Variants in GABRG3 observed in about 807,000 individuals in gnomAD.
GABRG3 encodes gamma-aminobutyric acid receptor subunit gamma-3.
GABRG3 carries 25 observed loss-of-function variants against 48.8 expected under a neutral mutation model. The ratio of observed to expected loss-of-function variants is 0.51; its 90% CI spans 0.37 to 0.72. The LOEUF (loss-of-function observed/expected upper bound fraction) is 0.72, where lower values mean the gene tolerates loss of function less well. GABRG3 is among the 30% of genes least tolerant of loss of function. The pLI, the probability that GABRG3 is intolerant of heterozygous loss-of-function variation, is 0.00. For synonymous variants in GABRG3, 227 were observed against 217.6 expected (o/e 1.04, Z -0.38); for missense variants, 394 against 577.9 (o/e 0.68, Z 3.26).
At chr15:27,093,377 A>G (rs1897223578) in intron 3 of GABRG3, among the ~76,000 whole-genome samples, 1 of 152,138 alleles carries the variant, frequency 6.6e-6, no homozygotes, top group Admixed American at 6.5e-5. Flanking sequence ...GAGTTCTGAG[A>G]AGAGCGTATG....
At chr15:27,528,041 C>T (rs1413757907) in intron 9 of GABRG3, 49 bp downstream of exon 9, 8 of 1,331,992 alleles carry the variant, frequency 6.0e-6, no homozygotes, top group Non-Finnish European at 8.5e-6. Flanking sequence ...TTTCACTAAA[C>T]TAAGATTGCA....
chr15:26,971,641 G>A, intron 1 of GABRG3, 53 bp downstream of exon 1: 1 of 1,506,288 alleles, frequency 6.6e-7, no homozygotes, highest in Non-Finnish European at 8.8e-7. Context: ...GCGACAGGGC[G>A]GCGGGGGGCG....
chr15:27,433,452 G>A (rs1335623628), intron 5 of GABRG3, among the ~76,000 whole-genome samples: 1 of 152,146 alleles, frequency 6.6e-6, no homozygotes, highest in Non-Finnish European at 1.5e-5. Context: ...TTCTCCTTCA[G>A]CTGTTGCCTG....
At chr15:26,986,139 A>T (rs1040285460) in intron 2 of GABRG3, among the ~76,000 whole-genome samples, 10 of 152,128 alleles carry the variant, frequency 6.6e-5, no homozygotes. Context: ...CCTCACCTGA[A>T]ATCCACAGCC....
intron 3 of GABRG3, among the ~76,000 whole-genome samples, chr15:27,067,253 C>T (rs1370355985): frequency 6.6e-6 from 1 of 152,190 alleles, no homozygotes; most frequent in Non-Finnish European, 1.5e-5. Flanking sequence ...CCAGGCAGGG[C>T]TTCAGCTCTC....
intron 2 of GABRG3, among the ~76,000 whole-genome samples, chr15:27,006,721 G>T (rs1352334174): frequency 2.0e-5 from 3 of 152,156 alleles, no homozygotes; most frequent in African/African-American, 7.2e-5. Context: ...TGTACTCAGT[G>T]TTTGGCTCCT....
At chr15:27,191,559 GT>G (rs1269386085) in intron 3 of GABRG3, among the ~76,000 whole-genome samples, 7 of 151,648 alleles carry the variant, frequency 4.6e-5, no homozygotes, top group African/African-American at 9.7e-5. Context: ...GCCTTTTTTT[GT>G]TTTCCATTTG....
chr15:26,984,519 A>G (rs530664065), intron 2 of GABRG3, among the ~76,000 whole-genome samples: 2 of 152,292 alleles, frequency 1.3e-5, no homozygotes, highest in South Asian at 4.1e-4. Context: ...CTTCTCAACT[A>G]ACTTCTAAAT....
chr15:27,480,039 A>T (rs74748781), intron 5 of GABRG3, among the ~76,000 whole-genome samples: 2,201 of 152,306 alleles, frequency 0.014, 47 homozygotes, highest in African/African-American at 0.05. Context: ...TGATGTCATG[A>T]TCTAGGCAGT....
intron 5 of GABRG3, among the ~76,000 whole-genome samples, chr15:27,350,814 G>A (rs1265084859): frequency 6.6e-6 from 1 of 152,164 alleles, no homozygotes; most frequent in African/African-American, 2.4e-5. Context: ...TGTGGCCTGG[G>A]CTGACAAAGG....
intron 5 of GABRG3, among the ~76,000 whole-genome samples, chr15:27,427,729 C>G (rs1888333548): frequency 6.6e-6 from 1 of 152,164 alleles, no homozygotes; most frequent in Non-Finnish European, 1.5e-5. Context: ...TGGAATCAAG[C>G]ACAGGGATTA....
chr15:27,432,324 C>T (rs544149735), intron 5 of GABRG3, among the ~76,000 whole-genome samples: 5 of 152,232 alleles, frequency 3.3e-5, no homozygotes, highest in South Asian at 2.1e-4. Flanking sequence ...CCCATAAACA[C>T]GTTTATGTAA....
intron 3 of GABRG3, among the ~76,000 whole-genome samples, chr15:27,155,500 CTG>C (rs1433644747): frequency 6.6e-6 from 1 of 152,242 alleles, no homozygotes; most frequent in East Asian, 1.9e-4. Flanking sequence ...CAGTTGAAAA[CTG>C]AACATTTCAG....
chr15:27,212,566 G>C (rs2140435597), intron 3 of GABRG3, among the ~76,000 whole-genome samples: 1 of 152,144 alleles, frequency 6.6e-6, no homozygotes, highest in South Asian at 2.1e-4. Flanking sequence ...TCATTATTTT[G>C]TGGTGAAATA....
chr15:26,979,248 C>T (rs766290965), intron 2 of GABRG3, among the ~76,000 whole-genome samples: 30 of 152,090 alleles, frequency 2.0e-4, no homozygotes, highest in Middle Eastern at 3.4e-3. Flanking sequence ...TTTGTAGGTT[C>T]CTTGGCATTT....
chr15:27,255,205 G>T (rs1030853346), intron 3 of GABRG3, among the ~76,000 whole-genome samples: 1 of 152,186 alleles, frequency 6.6e-6, no homozygotes, highest in African/African-American at 2.4e-5. Flanking sequence ...AGGCAAACCT[G>T]GGGTGGCGGG....
intron 3 of GABRG3, among the ~76,000 whole-genome samples, chr15:27,073,341 C>T (rs1896858227): frequency 6.6e-6 from 1 of 152,228 alleles, no homozygotes; most frequent in African/African-American, 2.4e-5. Flanking sequence ...TCCAGGACCT[C>T]CAGTGAGGTG....
chr15:27,321,988 A>G (rs978401362), intron 3 of GABRG3, among the ~76,000 whole-genome samples: 3 of 152,380 alleles, frequency 2.0e-5, no homozygotes, highest in Admixed American at 1.3e-4. Context: ...GATGGTTTAC[A>G]TTGGAGGGTC....
At chr15:27,097,988 GA>G (rs576929265) in intron 3 of GABRG3, among the ~76,000 whole-genome samples, 209 of 130,708 alleles carry the variant, frequency 1.6e-3, no homozygotes, top group East Asian at 4.7e-3. Flanking sequence ...GGAATTAAAA[GA>G]AAAAAAAAAA....
Sources: gnomAD v4.1 joint callset for allele counts (sites outside exome capture counted in the v4.1 genomes callset) on GRCh38, gnomAD v4.1.1 for gene constraint, MANE v1.5 for transcripts, NCBI Gene and HGNC (gene_info 2026-07-23, HGNC 2026-07-21) for gene names.